The following GON4L variants were observed in gnomAD, a reference collection of about 807,000 sequenced individuals.
GON4L encodes GON-4-like protein.
A neutral mutation model predicts 211.8 loss-of-function variants in GON4L; 87 were observed. The observed-to-expected ratio is 0.41, with a 90% CI of 0.35 to 0.49. GON4L has a LOEUF of 0.49. GON4L is among the 20% of genes least tolerant of loss of function. The pLI, the probability that GON4L is intolerant of heterozygous loss-of-function variation, is 0.15. For synonymous variants in GON4L, 875 were observed against 962.6 expected (o/e 0.91, Z 1.68); for missense variants, 2,155 against 2,659.5 (o/e 0.81, Z 4.17).
chr1:155,831,324 C>A (rs1181803046), intron 2 of GON4L, among the ~76,000 whole-genome samples: 2 of 151,946 alleles, frequency 1.3e-5, no homozygotes, highest in Non-Finnish European at 2.9e-5. Flanking sequence ...TGGCTTCATG[C>A]CTGTAATTCC....
chr1:155,843,707 T>C (rs772737126), intron 2 of GON4L, among the ~76,000 whole-genome samples: 1 of 152,034 alleles, frequency 6.6e-6, no homozygotes, highest in Non-Finnish European at 1.5e-5. Context: ...CCAGGACCAA[T>C]ACATGCAAGG....
intron 2 of GON4L, chr1:155,832,891 A>C (rs1448959648): frequency 1.3e-5 from 2 of 152,130 alleles, no homozygotes; most frequent in South Asian, 2.1e-4. Context: ...ATATTTTCCA[A>C]AGTAGATATA....
Position 155,755,371 on chromosome 1 carries a change from T to C in GON4L, c.5518-883A>G, listed in dbSNP as rs116553163. ...GGTGTAAGCCACAGCACCTAGCCTA[T>C]GGCTAATTTTTGTATTTTTAGTAGA... On this transcript the variant is annotated intron_variant, in intron 27 of 31. Transcript: ENST00000368331. 5.8e-3 allele frequency among the ~76,000 whole-genome samples: 890 copies of C among 152,184 alleles called. 14 individuals carry two copies. Among genetic ancestry groups the C allele is most frequent in the African/African-American group, 0.021 (869 of 41,534 alleles).
Position 155,750,552 on chromosome 1 carries a change from G to T in GON4L, c.*32C>A, listed in dbSNP as rs372242864. ...CTCCCCGGTGCCAGGGCGCCTGTTG[G>T]GTTTGGTCCTGTGTAGATGATTCCC... On this transcript the variant is annotated 3_prime_UTR_variant, in exon 32 of 32. Transcript: ENST00000368331. 13 of 1,566,574 alleles carry T rather than the reference G, an allele frequency of 8.3e-6. No individual in the cohort carries two copies. The African/African-American group carries it at 1.4e-4, about 16-fold the overall frequency.
At chr1:155,844,725 T>A (rs985331743) in intron 2 of GON4L, among the ~76,000 whole-genome samples, 1 of 152,008 alleles carries the variant, frequency 6.6e-6, no homozygotes, top group African/African-American at 2.4e-5. Flanking sequence ...ACCACTGCAC[T>A]CCAGCCTGGG....
chr1:155,775,717 C>T (rs1663739498), intron 16 of GON4L, among the ~76,000 whole-genome samples: 1 of 152,124 alleles, frequency 6.6e-6, no homozygotes, highest in Admixed American at 6.6e-5. Context: ...CCTCAGCCTA[C>T]CAAAGTGCTG....
rs1200334470 is a variant in GON4L at position 155,783,997 on chromosome 1, A to AG, written c.1880dup (p.Gln628SerfsTer6). The AG allele has an allele frequency of 1.9e-6, 3 of 1,613,618 alleles. No individual in the cohort carries two copies. On this transcript the variant is annotated frameshift_variant, in exon 14 of 32. Coordinates refer to ENST00000368331, the MANE Select transcript of GON4L (RefSeq NM_001282860.2). LOFTEE classifies it high-confidence loss of function. Reference sequence around the variant, plus strand: ...TTCAACTAGCCTACCGTAGAGCTTGAGGGGTGTTAAAGTTAGGACGAGGCT... The same window carrying AG: ...TTCAACTAGCCTACCGTAGAGCTTGAGGGGGTGTTAAAGTTAGGACGAGGCT...
Position 155,752,516 on chromosome 1 carries a change from G to A in GON4L, c.5917C>T (p.Pro1973Ser), listed in dbSNP as rs201519437. ...GGAGTCTCTGGTGAATGAGGTGGTGGGCCATCCAGGAGGAGCCGTTCTGTA... is the reference window on the plus strand; with the variant it reads ...GGAGTCTCTGGTGAATGAGGTGGTGAGCCATCCAGGAGGAGCCGTTCTGTA... ...TVTERLLLDG[P>S]PPHSPETPQF... Residue 1973 changes from proline (P) to serine (S), a missense_variant, in exon 30 of 32, where the codon CCA (proline) becomes TCA (serine). Physicochemically the swap from Pro to Ser is moderately conservative, Grantham distance 74. Coordinates refer to ENST00000368331, the MANE Select transcript of GON4L (RefSeq NM_001282860.2). 160 of 1,595,262 alleles carry A rather than the reference G, an allele frequency of 1.0e-4. No individual in the cohort carries two copies. The highest frequency in any genetic ancestry group is 1.2e-4 in the Admixed American group (7 of 56,018).
intron 3 of GON4L, among the ~76,000 whole-genome samples, chr1:155,825,241 A>G (rs188923436): frequency 9.9e-5 from 15 of 152,128 alleles, no homozygotes; most frequent in Non-Finnish European, 2.2e-4. Context: ...AAAATGAACA[A>G]TCTACAAGTA....
At chr1:155,819,662 T>C (rs1488819224) in intron 6 of GON4L, among the ~76,000 whole-genome samples, 3 of 152,210 alleles carry the variant, frequency 2.0e-5, no homozygotes, top group African/African-American at 7.2e-5. Flanking sequence ...ATCAGAAATA[T>C]AATGAACTCC....
At chr1:155,807,541 A>G (rs1242081912) in intron 10 of GON4L, among the ~76,000 whole-genome samples, 1 of 151,606 alleles carries the variant, frequency 6.6e-6, no homozygotes, top group Non-Finnish European at 1.5e-5. Context: ...CGTCTCTATA[A>G]AAAATACAAA....
rs1047345752 is a variant in GON4L at position 155,754,455 on chromosome 1, C to A, written c.5551G>T (p.Ala1851Ser). Residue 1851 changes from alanine to serine, a missense_variant, in exon 28 of 32, where the codon GCC (alanine) becomes TCC (serine). Ala to Ser is a moderately conservative substitution (Grantham distance 99). Transcript: ENST00000368331. ...GGACCTCCTTCATGGCAGGAGCAGG[C>A]ACAGTCCTTGGCCCCATCTGGCCAT... Reference protein sequence around the residue: ...TEWPDGAKDCACSCHEGGPDS... With the variant: ...TEWPDGAKDCSCSCHEGGPDS... 2.5e-6 allele frequency: 4 copies of A among 1,612,642 alleles called. No homozygotes were observed. Among genetic ancestry groups the A allele is most frequent in the South Asian group, 2.2e-5 (2 of 91,050 alleles).
chr1:155,761,032 C>T (rs1241389162), intron 23 of GON4L, among the ~76,000 whole-genome samples: 2 of 152,084 alleles, frequency 1.3e-5, no homozygotes, highest in Non-Finnish European at 2.9e-5. Context: ...TTAGGAATGT[C>T]AGTAAAACAT....
At chr1:155,837,964 T>TAG (rs1670457575) in intron 2 of GON4L, among the ~76,000 whole-genome samples, 1 of 152,152 alleles carries the variant, frequency 6.6e-6, no homozygotes, top group Non-Finnish European at 1.5e-5. Flanking sequence ...TAAAACTTGT[T>TAG]TTCAAATTAT....
chr1:155,814,497 T>C (rs1355563636), intron 8 of GON4L, 48 bp from the exon 9 acceptor site: 2 of 1,585,996 alleles, frequency 1.3e-6, no homozygotes, highest in African/African-American at 2.7e-5. Context: ...CCTACCTCAT[T>C]CCACAAAGTC....
chr1:155,813,630 T>A lies in GON4L; in HGVS notation c.1452+4A>T. The A allele has an allele frequency of 6.2e-7, 1 of 1,606,334 alleles. No individual in the cohort carries two copies. The highest frequency in any genetic ancestry group is 8.5e-7 in the Non-Finnish European group (1 of 1,172,902). ...TCTCAGTTAAGTACAGTTTTAATAT[T>A]TACCTGGAAAGAATCCATGCAGACT... On this transcript the variant is annotated splice_donor_region_variant and intron_variant, in intron 10 of 31. Transcript: ENST00000368331.
At chr1:155,812,383 T>A (rs1667866702) in intron 10 of GON4L, among the ~76,000 whole-genome samples, 1 of 152,130 alleles carries the variant, frequency 6.6e-6, no homozygotes, top group South Asian at 2.1e-4. Context: ...ACTGAGAAAC[T>A]GTTCCAGATT....
At chr1:155,789,692 G>A (rs1459200685) in intron 12 of GON4L, among the ~76,000 whole-genome samples, 1 of 152,010 alleles carries the variant, frequency 6.6e-6, no homozygotes, top group African/African-American at 2.4e-5. Context: ...GACGGACAGG[G>A]AGATGGACAG....
intron 24 of GON4L, among the ~76,000 whole-genome samples, chr1:155,758,741 C>G (rs7529905): frequency 6.6e-6 from 1 of 152,006 alleles, no homozygotes; most frequent in South Asian, 2.1e-4. Flanking sequence ...TAGATAGGTG[C>G]GGTCATGCAT....
Sources: allele counts gnomAD v4.1 joint callset (sites outside exome capture counted in the v4.1 genomes callset), GRCh38; gene constraint gnomAD v4.1.1; transcripts MANE v1.5; gene names NCBI Gene and HGNC (gene_info 2026-07-23, HGNC 2026-07-21).